The following RGPD2 variants were observed in gnomAD, a reference collection of about 807,000 sequenced individuals.
RGPD2 encodes the protein RANBP2 like and GRIP domain containing 2.
In RGPD2, 2 loss-of-function variants were observed where a neutral mutation model predicts 36.0. The observed-to-expected ratio is 0.06, with a 90% CI of 0.02 to 0.17. The LOEUF is 0.17. Ranked by LOEUF, RGPD2 falls within the 10% of genes least tolerant of loss-of-function variation. The probability of loss-of-function intolerance (pLI) is 1.00; values close to 1 mark genes in which losing one functional copy is unlikely to be tolerated. For missense variants in RGPD2, 40 were observed against 464.3 expected, an observed-to-expected ratio of 0.09 and a Z score of 8.40; for synonymous variants, 19 against 163.8, an observed-to-expected ratio of 0.12 and a Z score of 6.75.
At chr2:87,934,353 C>A in the RGPD2 span, among the ~76,000 whole-genome samples, 1 of 145,664 alleles carries the variant, frequency 6.9e-6, no homozygotes, top group Non-Finnish European at 1.5e-5. Context: ...TCAGATGTAT[C>A]CTTAGTCATA....
the RGPD2 span, among the ~76,000 whole-genome samples, chr2:87,861,150 T>TTTC: frequency 6.7e-6 from 1 of 150,200 alleles, no homozygotes; most frequent in Non-Finnish European, 1.5e-5. Flanking sequence ...TTTTTTTTTT[T>TTTC]CATCTTTTGA....
the RGPD2 span, among the ~76,000 whole-genome samples, chr2:87,836,242 T>C: frequency 2.1e-4 from 17 of 81,342 alleles, no homozygotes; most frequent in African/African-American, 7.8e-4. Context: ...GACAGACAAA[T>C]AGAGAAAGAA....
the RGPD2 span, among the ~76,000 whole-genome samples, chr2:87,876,181 T>TTC: frequency 3.3e-5 from 5 of 150,376 alleles, no homozygotes; most frequent in Non-Finnish European, 7.4e-5. Flanking sequence ...TTTGTGGGGT[T>TTC]TTTTTTTTTT....
At chr2:87,944,688 AATGATGTCAC>A in the RGPD2 span, among the ~76,000 whole-genome samples, 1 of 125,748 alleles carries the variant, frequency 8.0e-6, no homozygotes, top group Non-Finnish European at 1.6e-5. Context: ...CAAAATATAA[AATGATGTCAC>A]ATTTCTCACT....
intron 20 of RGPD2, among the ~76,000 whole-genome samples, chr2:87,781,592 C>A (rs1320983862): frequency 6.6e-6 from 1 of 150,874 alleles, no homozygotes; most frequent in Admixed American, 6.6e-5. Context: ...TCCTGAGTAG[C>A]TGCTAATTAT....
At chr2:87,952,670 G>A in the RGPD2 span, among the ~76,000 whole-genome samples, 1 of 151,780 alleles carries the variant, frequency 6.6e-6, no homozygotes, top group South Asian at 2.1e-4. Flanking sequence ...GATAAAACAA[G>A]GCACCCTACA....
upstream of RGPD2, chr2:87,825,799 C>G (rs1163145929): frequency 9.4e-6 from 14 of 1,490,990 alleles, no homozygotes; most frequent in East Asian, 1.3e-4. Context: ...CCAATTCCAA[C>G]AGGAAAGCGC....
chr2:87,864,621 G>C, the RGPD2 span, among the ~76,000 whole-genome samples: 7 of 15,012 alleles, frequency 4.7e-4, no homozygotes, highest in African/African-American at 1.2e-3. Context: ...TAGATAGATA[G>C]ATACATAGAT....
At chr2:87,964,679 A>C in the RGPD2 span, among the ~76,000 whole-genome samples, 1 of 149,746 alleles carries the variant, frequency 6.7e-6, no homozygotes, top group African/African-American at 2.4e-5. Flanking sequence ...GTAATGACTG[A>C]ATGAAGTTAA....
the RGPD2 span, among the ~76,000 whole-genome samples, chr2:87,947,170 G>A: frequency 6.6e-6 from 1 of 151,988 alleles, no homozygotes; most frequent in Non-Finnish European, 1.5e-5. Context: ...GTAAATGAGA[G>A]AGAGCCAGGA....
At chr2:87,834,031 C>CA in the RGPD2 span, among the ~76,000 whole-genome samples, 1 of 77,382 alleles carries the variant, frequency 1.3e-5, no homozygotes, top group Admixed American at 1.5e-4. Context: ...AATATAGATG[C>CA]AAAAAAATTT....
chr2:87,853,647 T>C, the RGPD2 span, among the ~76,000 whole-genome samples: 2 of 151,474 alleles, frequency 1.3e-5, no homozygotes, highest in African/African-American at 2.4e-5. Flanking sequence ...TTTGCTTTTA[T>C]ATAAAATCCT....
Position 87,825,786 on chromosome 2 carries a change from T to C in RGPD2, c.-57A>G, listed in dbSNP as rs1001170011. 38 of 1,509,450 alleles carry C rather than the reference T, an allele frequency of 2.5e-5. No homozygotes were observed. The highest frequency in any genetic ancestry group is 3.3e-5 in the Non-Finnish European group (37 of 1,124,522). The allele number at this position is 1,509,450 out of a possible 1,614,324, so 93.5% of individuals were successfully genotyped here. Reference sequence around the variant, plus strand: ...AAACCAGCGCTCAGCCCCGCAGCAGTCGCCAATTCCAACAGGAAAGCGCCT... The same window carrying C: ...AAACCAGCGCTCAGCCCCGCAGCAGCCGCCAATTCCAACAGGAAAGCGCCT... On this transcript the variant is annotated 5_prime_UTR_variant, in exon 1 of 23. Coordinates refer to ENST00000398146, the MANE Select transcript of RGPD2 (RefSeq NM_001078170.3).
the RGPD2 span, among the ~76,000 whole-genome samples, chr2:87,837,154 A>G: frequency 6.6e-6 from 1 of 150,992 alleles, no homozygotes; most frequent in East Asian, 2.0e-4. Context: ...CCAGTAAAGG[A>G]ATTAGACAAA....
chr2:87,773,227 AT>A (rs1685184219), intron 21 of RGPD2, among the ~76,000 whole-genome samples: 1 of 114,676 alleles, frequency 8.7e-6, no homozygotes, highest in Non-Finnish European at 1.8e-5. Flanking sequence ...AAAAGGTAGT[AT>A]CATGTTCAAG....
chr2:87,844,899 A>G, the RGPD2 span, among the ~76,000 whole-genome samples: 1 of 126,016 alleles, frequency 7.9e-6, no homozygotes, highest in Non-Finnish European at 1.6e-5. Context: ...AGTATTTTGT[A>G]GTTGCCTCTT....
At chr2:87,836,781 CAG>C in the RGPD2 span, among the ~76,000 whole-genome samples, 1 of 152,076 alleles carries the variant, frequency 6.6e-6, no homozygotes, top group Non-Finnish European at 1.5e-5. Context: ...CTAAAAAGCA[CAG>C]AGTGACAAAT....
chr2:87,927,640 C>T, the RGPD2 span, among the ~76,000 whole-genome samples: 2 of 150,630 alleles, frequency 1.3e-5, no homozygotes, highest in African/African-American at 4.9e-5. Context: ...TTTGTTATTA[C>T]TTAGGGTGTT....
upstream of RGPD2, among the ~76,000 whole-genome samples, chr2:87,827,061 TTCTC>T (rs1463858610): frequency 6.6e-6 from 1 of 150,846 alleles, no homozygotes; most frequent in Non-Finnish European, 1.5e-5. Flanking sequence ...CAGAAAGACT[TTCTC>T]TCTGTTCTCT....
Sources: gnomAD v4.1 joint callset for allele counts (sites outside exome capture counted in the v4.1 genomes callset) on GRCh38, gnomAD v4.1.1 for gene constraint, MANE v1.5 for transcripts, NCBI Gene and HGNC (gene_info 2026-07-23, HGNC 2026-07-21) for gene names.